Variants in CAPN8 observed in about 807,000 individuals in gnomAD.
CAPN8 encodes calpain 8, also known as calpain-8.
In CAPN8, 87 loss-of-function variants were observed where a neutral mutation model predicts 80.9. The observed-to-expected ratio is 1.07, with a 90% CI of 0.90 to 1.28. The LOEUF (loss-of-function observed/expected upper bound fraction) is 1.28, where lower values mean the gene tolerates loss of function less well. Among genes scored for constraint, CAPN8 ranks in the 50% most tolerant of loss-of-function variants. CAPN8 has a pLI of 0.00. For missense variants in CAPN8, 757 were observed against 702.0 expected, an observed-to-expected ratio of 1.08 and a Z score of -0.89; for synonymous variants, 299 against 273.8, an observed-to-expected ratio of 1.09 and a Z score of -0.91.
chr1:223,554,824 G>C (rs1260090761), intron 13 of CAPN8, among the ~76,000 whole-genome samples: 1 of 152,190 alleles, frequency 6.6e-6, no homozygotes, highest in Non-Finnish European at 1.5e-5. Flanking sequence ...AATCAAATGA[G>C]AGCTAATGTG....
chr1:223,629,220 GTGTGTGTGTGTT>G (rs1657699496), intron 2 of CAPN8, among the ~76,000 whole-genome samples: 2 of 150,288 alleles, frequency 1.3e-5, no homozygotes, highest in South Asian at 2.1e-4. Context: ...GTGTGTGTGT[GTGTGTGTGTGTT>G]TATGTTCCTT....
intron 13 of CAPN8, among the ~76,000 whole-genome samples, chr1:223,555,556 C>T (rs1656884902): frequency 6.6e-6 from 1 of 152,134 alleles, no homozygotes; most frequent in Non-Finnish European, 1.5e-5. Flanking sequence ...GGGAAAACAA[C>T]ATTATATCAT....
intron 20 of CAPN8, 67 bp downstream of exon 20, chr1:223,543,041 C>A: frequency 6.6e-7 from 1 of 1,521,592 alleles, no homozygotes; most frequent in Non-Finnish European, 8.9e-7. Context: ...CATCACTTGG[C>A]AGCTACATGG....
chr1:223,556,482 G>T (rs1371525833), intron 13 of CAPN8, among the ~76,000 whole-genome samples: 1 of 152,286 alleles, frequency 6.6e-6, no homozygotes, highest in East Asian at 1.9e-4. Flanking sequence ...ATTGGCCTGA[G>T]GACTCCCAGT....
At chr1:223,651,148 G>T (rs1314646630) in intron 2 of CAPN8, among the ~76,000 whole-genome samples, 1 of 152,158 alleles carries the variant, frequency 6.6e-6, no homozygotes, top group African/African-American at 2.4e-5. Context: ...GGCCTGGTGA[G>T]AACAGGCTCC....
chr1:223,628,836 C>T (rs1226603475), intron 2 of CAPN8, 56 bp from the exon 3 acceptor site: 1 of 1,376,522 alleles, frequency 7.3e-7, no homozygotes, highest in African/African-American at 1.4e-5. Flanking sequence ...AGGGGCCCTG[C>T]TTTCTCTGAC....
At chr1:223,625,435 T>C (rs1270588750) in intron 6 of CAPN8, among the ~76,000 whole-genome samples, 1 of 152,216 alleles carries the variant, frequency 6.6e-6, no homozygotes, top group Non-Finnish European at 1.5e-5. Context: ...AAGAACCTTC[T>C]TTTATTTTTT....
chr1:223,618,216 A>T (rs1285237795), intron 9 of CAPN8: 1 of 1,550,282 alleles, frequency 6.5e-7, no homozygotes, highest in Admixed American at 2.0e-5. Flanking sequence ...CTCCTTAGAG[A>T]TGTGGGGCTG....
At chr1:223,634,878 T>C (rs1003746317) in intron 2 of CAPN8, among the ~76,000 whole-genome samples, 1 of 152,216 alleles carries the variant, frequency 6.6e-6, no homozygotes, top group African/African-American at 2.4e-5. Flanking sequence ...ACATTCAGTG[T>C]ATAGCACCAC....
chr1:223,659,996 A>G (rs540526184), intron 1 of CAPN8, among the ~76,000 whole-genome samples: 33 of 152,194 alleles, frequency 2.2e-4, no homozygotes, highest in African/African-American at 7.5e-4. Context: ...CCTGAACACA[A>G]CCAGCACGCA....
At chr1:223,624,480 G>T (rs1175912170) in intron 6 of CAPN8, among the ~76,000 whole-genome samples, 3 of 150,832 alleles carry the variant, frequency 2.0e-5, no homozygotes, top group African/African-American at 7.3e-5. Context: ...CGAGGCAGGA[G>T]GATGGCTTGA....
intron 2 of CAPN8, among the ~76,000 whole-genome samples, chr1:223,639,393 G>C (rs1657988180): frequency 6.6e-6 from 1 of 152,194 alleles, no homozygotes; most frequent in African/African-American, 2.4e-5. Context: ...ACCCTCATCA[G>C]TGTATTGCAC....
chr1:223,623,438 G>A (rs948045814), intron 6 of CAPN8, among the ~76,000 whole-genome samples: 2 of 152,128 alleles, frequency 1.3e-5, no homozygotes, highest in Non-Finnish European at 2.9e-5. Context: ...GTTAGTAAGT[G>A]GTGAACGCAG....
intron 11 of CAPN8, among the ~76,000 whole-genome samples, chr1:223,610,606 G>C (rs1033776670): frequency 6.6e-6 from 1 of 152,144 alleles, no homozygotes; most frequent in African/African-American, 2.4e-5. Context: ...GGTTGGGAAG[G>C]GGGCAAACTG....
At chr1:223,662,718 G>A (rs2102742333) in intron 1 of CAPN8, among the ~76,000 whole-genome samples, 1 of 152,274 alleles carries the variant, frequency 6.6e-6, no homozygotes, top group East Asian at 1.9e-4. Flanking sequence ...TGCAACAAAT[G>A]AACTTACAAT....
chr1:223,629,331 G>A (rs1044932864), intron 2 of CAPN8, among the ~76,000 whole-genome samples: 13 of 151,658 alleles, frequency 8.6e-5, no homozygotes, highest in African/African-American at 2.9e-4. Context: ...CACCAGGAGA[G>A]CCTTGATGCC....
intron 9 of CAPN8, 60 bp downstream of exon 9, chr1:223,619,233 T>C (rs1321373914): frequency 1.3e-6 from 2 of 1,526,344 alleles, no homozygotes; most frequent in Non-Finnish European, 1.8e-6. Context: ...TTACATAAAA[T>C]GACCCAGCTC....
intron 6 of CAPN8, 54 bp from the exon 7 acceptor site, chr1:223,622,954 G>A: frequency 7.2e-7 from 1 of 1,398,024 alleles, no homozygotes; most frequent in East Asian, 2.5e-5. Context: ...CTGTTGCCTT[G>A]CAGGCATGTC....
intron 8 of CAPN8, among the ~76,000 whole-genome samples, chr1:223,619,927 G>C (rs1485319018): frequency 6.6e-6 from 1 of 152,162 alleles, no homozygotes; most frequent in Admixed American, 6.5e-5. Flanking sequence ...TAGAAGCAGT[G>C]CTCTCAGTTC....
Sources: gnomAD v4.1 joint callset for allele counts (sites outside exome capture counted in the v4.1 genomes callset) on GRCh38, gnomAD v4.1.1 for gene constraint, MANE v1.5 for transcripts, NCBI Gene and HGNC (gene_info 2026-07-23, HGNC 2026-07-21) for gene names.